SLC2A7: variants seen among roughly 807,000 people sequenced by gnomAD.
SLC2A7 encodes solute carrier family 2 member 7, also known as solute carrier family 2, facilitated glucose transporter member 7.
In SLC2A7, 50 loss-of-function variants were observed where a neutral mutation model predicts 50.5. That is an observed-to-expected ratio of 0.99 (90% confidence interval 0.79 to 1.25). The LOEUF is 1.25. Ranked by LOEUF, SLC2A7 falls within the 50% of genes most tolerant of loss-of-function variation. The probability of loss-of-function intolerance (pLI) is 0.00; values close to 1 mark genes in which losing one functional copy is unlikely to be tolerated. For synonymous variants in SLC2A7, 308 were observed against 300.4 expected (o/e 1.03, Z -0.26); for missense variants, 683 against 679.1 (o/e 1.01, Z -0.06).
chr1:9,017,967 TC>T (rs749103870), intron 5 of SLC2A7, among the ~76,000 whole-genome samples: 154 of 151,896 alleles, frequency 1.0e-3, no homozygotes, highest in Non-Finnish European at 1.7e-3. Flanking sequence ...CGACCTCACT[TC>T]CCCAACTTCT....
intron 8 of SLC2A7, among the ~76,000 whole-genome samples, chr1:9,010,911 G>A (rs1183494502): frequency 1.3e-5 from 2 of 152,192 alleles, no homozygotes; most frequent in Non-Finnish European, 2.9e-5. Flanking sequence ...CCACCCCACT[G>A]ATAGCAAACA....
At chr1:9,025,126 G>A in intron 1 of SLC2A7, 52 bp from the exon 2 acceptor site, 1 of 1,580,394 alleles carries the variant, frequency 6.3e-7, no homozygotes, top group Non-Finnish European at 8.7e-7. Flanking sequence ...GCCTCGGGAA[G>A]TGGAGTGGCT....
At chr1:9,007,533 G>T in intron 9 of SLC2A7, 148 bp from the exon 10 acceptor site, 1 of 696,922 alleles carries the variant, frequency 1.4e-6, no homozygotes, top group South Asian at 1.8e-5. Flanking sequence ...CTGTGGGCAA[G>T]AGAGGAAGGC....
chr1:9,002,335 C>T (rs185013878), downstream of SLC2A7, among the ~76,000 whole-genome samples: 43 of 152,190 alleles, frequency 2.8e-4, no homozygotes, highest in African/African-American at 7.9e-4. Context: ...TCCCTGGGAA[C>T]GGAATGTCTC....
chr1:9,000,570 G>C (rs1350044612), downstream of SLC2A7, among the ~76,000 whole-genome samples: 1 of 148,482 alleles, frequency 6.7e-6, no homozygotes, highest in Non-Finnish European at 1.5e-5. Flanking sequence ...AGTGAGCCGA[G>C]ATTGTGCCAC....
intron 1 of SLC2A7, among the ~76,000 whole-genome samples, chr1:9,025,690 C>G (rs752293814): frequency 6.6e-6 from 1 of 152,192 alleles, no homozygotes; most frequent in Non-Finnish European, 1.5e-5. Flanking sequence ...TTAGGAAAAT[C>G]CCGGCAGTCG....
downstream of SLC2A7, among the ~76,000 whole-genome samples, chr1:9,001,506 CCTCTCGGG>C (rs1161860387): frequency 6.6e-6 from 1 of 150,878 alleles, no homozygotes; most frequent in Non-Finnish European, 1.5e-5. Context: ...GCAACCTCTG[CCTCTCGGG>C]CTCAAGCAAT....
At chr1:9,014,284 G>A (rs550054238) in intron 7 of SLC2A7, among the ~76,000 whole-genome samples, 14 of 152,338 alleles carry the variant, frequency 9.2e-5, no homozygotes, top group African/African-American at 1.7e-4. Flanking sequence ...AGCCACGGTC[G>A]CAGAAAGCGA....
the SLC2A7 span, among the ~76,000 whole-genome samples, chr1:8,996,539 T>A: frequency 6.6e-6 from 1 of 152,230 alleles, no homozygotes; most frequent in Non-Finnish European, 1.5e-5. Flanking sequence ...GGTTAATACC[T>A]AGGATTGGAA....
At chr1:8,996,872 A>T in the SLC2A7 span, among the ~76,000 whole-genome samples, 95,719 of 151,556 alleles carry the variant, frequency 0.63, 31,870 homozygotes, top group East Asian at 0.84. Flanking sequence ...GCCTCCCGGG[A>T]TCAAGCAATT....
intron 8 of SLC2A7, among the ~76,000 whole-genome samples, 182 bp from the exon 9 acceptor site, chr1:9,010,426 T>A (rs2012842): frequency 0.41 from 62,448 of 151,918 alleles, 13,246 homozygotes; most frequent in East Asian, 0.54. Flanking sequence ...TGGTGCGATC[T>A]CAGCTCACTG....
At chr1:9,007,741 CTTT>C (rs34900242) in intron 9 of SLC2A7, among the ~76,000 whole-genome samples, 32 of 140,178 alleles carry the variant, frequency 2.3e-4, no homozygotes, top group Non-Finnish European at 3.0e-4. Context: ...ACGATTCTTT[CTTT>C]TTTTTTTTTT....
At chr1:9,004,422 C>T (rs960056671) in intron 11 of SLC2A7, among the ~76,000 whole-genome samples, 8 of 151,856 alleles carry the variant, frequency 5.3e-5, no homozygotes. Flanking sequence ...GAGTTTGTGG[C>T]CCATCTTGTC....
In SLC2A7 at chr1:9,008,406, A is replaced by G. The variant is rs1399521485; in HGVS notation, c.1117-1021T>C. On this transcript the variant is annotated intron_variant, in intron 9 of 11. Transcript: ENST00000400906. The surrounding 1 kb of genome is among the most constrained non-coding windows in gnomAD (Gnocchi z 5.9). ...GGCTGGGTTGGTGGGGCCGCCCTGG[A>G]CCCGGTGTGAAGCGAGCAGCTGCTG... is the stretch of plus-strand genomic sequence containing the variant. Among the ~76,000 whole-genome samples the G allele has an allele frequency of 1.3e-5, 2 of 152,102 alleles. No homozygotes were observed. The highest frequency in any genetic ancestry group is 6.6e-5 in the Admixed American group (1 of 15,258).
intron 2 of SLC2A7, among the ~76,000 whole-genome samples, chr1:9,023,838 CTTTTTTTTTTTTTT>C (rs1162143987): frequency 8.7e-4 from 15 of 17,150 alleles, no homozygotes; most frequent in Non-Finnish European, 3.9e-4. Context: ...TATTCTTCTT[CTTTTTTTTTTTTTT>C]TTTTTTTTTT....
Position 9,008,237 on chromosome 1 carries a change from G to A in SLC2A7, c.1117-852C>T, listed in dbSNP as rs1161269429. On this transcript the variant is annotated intron_variant, in intron 9 of 11. Coordinates refer to ENST00000400906, the MANE Select transcript of SLC2A7 (RefSeq NM_207420.3). The surrounding 1 kb of genome is among the most constrained non-coding windows in gnomAD (Gnocchi z 5.9). ...GTTATGAGACGGCCTCAAGGGACAA[G>A]TTGGCAGCAGAGCTGGATGGCGAGG... 2.0e-5 allele frequency among the ~76,000 whole-genome samples: 3 copies of A among 152,172 alleles called. No individual in the cohort carries two copies. The highest frequency in any genetic ancestry group is 2.9e-5 in the Non-Finnish European group (2 of 68,028).
At chr1:9,013,169 A>G (rs1399391035) in intron 8 of SLC2A7, among the ~76,000 whole-genome samples, 1 of 152,112 alleles carries the variant, frequency 6.6e-6, no homozygotes, top group Non-Finnish European at 1.5e-5. Context: ...TGGGATTACA[A>G]GTGTGTGCCA....
chr1:9,005,211 C>G (rs905857240), intron 10 of SLC2A7, among the ~76,000 whole-genome samples: 5 of 152,202 alleles, frequency 3.3e-5, no homozygotes. Context: ...CTCCAGCTCA[C>G]AGGCAGCAGA....
intron 7 of SLC2A7, among the ~76,000 whole-genome samples, chr1:9,014,279 C>T (rs929373373): frequency 2.0e-5 from 3 of 152,232 alleles, no homozygotes; most frequent in Admixed American, 6.5e-5. Context: ...CAAAGAGCCA[C>T]GGTCGCAGAA....
Sources: allele counts gnomAD v4.1 joint callset (sites outside exome capture counted in the v4.1 genomes callset), GRCh38; gene constraint gnomAD v4.1.1; non-coding constraint Gnocchi (gnomAD v3.1); transcripts MANE v1.5; gene names NCBI Gene and HGNC (gene_info 2026-07-23, HGNC 2026-07-21).